ANK1: variants seen among roughly 807,000 people sequenced by gnomAD.
ANK1 encodes the protein ankyrin-1.
ANK1 carries 51 observed loss-of-function variants against 210.4 expected under a neutral mutation model. The ratio of observed to expected loss-of-function variants is 0.24; its 90% CI spans 0.19 to 0.31. The LOEUF (loss-of-function observed/expected upper bound fraction) is 0.31, where lower values mean the gene tolerates loss of function less well. ANK1 is among the 10% of genes least tolerant of loss of function. The pLI is 1.00. For synonymous variants in ANK1, 967 were observed against 1,025.9 expected (o/e 0.94, Z 1.10); for missense variants, 2,051 against 2,504.4 (o/e 0.82, Z 3.86).
chr8:41,692,965 T>C (rs1159808757), intron 30 of ANK1, 89 bp from the exon 31 acceptor site: 23 of 1,530,282 alleles, frequency 1.5e-5, no homozygotes, highest in African/African-American at 6.9e-5. Flanking sequence ...AGCCATACCA[T>C]GGCTACTATT....
chr8:41,779,994 C>T (rs1039429594), intron 1 of ANK1, among the ~76,000 whole-genome samples: 5 of 152,174 alleles, frequency 3.3e-5, no homozygotes, highest in African/African-American at 7.2e-5. Context: ...GGTTCTCCAC[C>T]GACAGCTTTT....
At chr8:41,766,812 T>C (rs978401731) in intron 1 of ANK1, among the ~76,000 whole-genome samples, 9 of 152,246 alleles carry the variant, frequency 5.9e-5, no homozygotes, top group African/African-American at 2.2e-4. Context: ...CCAACAGGTC[T>C]GCCTTCCTCT....
intron 36 of ANK1, 127 bp from the exon 37 acceptor site, chr8:41,684,817 T>G: frequency 8.1e-7 from 1 of 1,228,494 alleles, no homozygotes. Context: ...GGAGGCACCC[T>G]CTTTTATTAG....
upstream of ANK1, chr8:41,797,668 C>A (rs1165937307): frequency 8.0e-6 from 11 of 1,379,454 alleles, no homozygotes; most frequent in Non-Finnish European, 9.5e-6. The surrounding 1 kb of genome is among the most constrained non-coding windows in gnomAD (Gnocchi z 4.0). Flanking sequence ...GCCTTATCGG[C>A]CCCAGAGGCG....
At chr8:41,880,059 C>T (rs1176339001) in intron 1 of ANK1, among the ~76,000 whole-genome samples, 2 of 152,092 alleles carry the variant, frequency 1.3e-5, no homozygotes, top group Admixed American at 6.5e-5. Context: ...AGGTCTAGCC[C>T]GCTGCCCATT....
chr8:41,664,991 C>T (rs769932716), intron 39 of ANK1: 11 of 1,613,994 alleles, frequency 6.8e-6, no homozygotes, highest in African/African-American at 1.3e-5. Flanking sequence ...GCAGCACCAG[C>T]GTGACCAACA....
intron 9 of ANK1, among the ~76,000 whole-genome samples, chr8:41,721,512 C>T (rs1195601636): frequency 6.6e-6 from 1 of 151,950 alleles, no homozygotes; most frequent in African/African-American, 2.4e-5. Context: ...CAAAAATAGG[C>T]CAGGCGTGGT....
intron 1 of ANK1, among the ~76,000 whole-genome samples, chr8:41,761,742 T>A (rs1252374602): frequency 6.6e-6 from 1 of 152,062 alleles, no homozygotes; most frequent in African/African-American, 2.4e-5. Flanking sequence ...GGAACTCTCA[T>A]CCTCCTCCAC....
chr8:41,850,094 C>T (rs1457596401), intron 1 of ANK1, among the ~76,000 whole-genome samples: 5 of 152,160 alleles, frequency 3.3e-5, no homozygotes, highest in Non-Finnish European at 7.3e-5. Context: ...AGGCTCAGCA[C>T]GCTTCGTGAA....
intron 1 of ANK1, among the ~76,000 whole-genome samples, chr8:41,884,216 C>A (rs570351810): frequency 2.0e-5 from 3 of 152,076 alleles, no homozygotes; most frequent in African/African-American, 7.2e-5. Context: ...GGCATGGTGG[C>A]ATGTGCCTGT....
intron 1 of ANK1, among the ~76,000 whole-genome samples, chr8:41,786,537 T>C (rs554186635): frequency 5.3e-5 from 8 of 152,340 alleles, no homozygotes; most frequent in Non-Finnish European, 1.0e-4. Flanking sequence ...AGTGGCCACG[T>C]TGCAAACTAA....
At chr8:41,761,387 AC>A (rs1161147247) in intron 1 of ANK1, among the ~76,000 whole-genome samples, 1 of 149,118 alleles carries the variant, frequency 6.7e-6, no homozygotes, top group Non-Finnish European at 1.5e-5. Flanking sequence ...ACACACACAC[AC>A]ATGTTCACAC....
intron 1 of ANK1, among the ~76,000 whole-genome samples, chr8:41,830,939 A>C (rs1293183198): frequency 2.0e-5 from 3 of 152,170 alleles, no homozygotes; most frequent in African/African-American, 7.2e-5. Flanking sequence ...TGGTCACCTC[A>C]CCAAATGGAT....
intron 1 of ANK1, among the ~76,000 whole-genome samples, chr8:41,889,223 T>A (rs184057368): frequency 6.6e-6 from 1 of 152,228 alleles, no homozygotes; most frequent in East Asian, 1.9e-4. Flanking sequence ...AACCAATACC[T>A]GGGGGAAGTA....
At chr8:41,727,200 G>A (rs1375056278) in intron 5 of ANK1, 50 bp downstream of exon 5, 10 of 1,455,548 alleles carry the variant, frequency 6.9e-6, no homozygotes, top group Non-Finnish European at 9.7e-6. Context: ...AAGCAAGGTT[G>A]TACACCTGGG....
intron 13 of ANK1, 149 bp from the exon 14 acceptor site, chr8:41,715,998 A>T: frequency 1.1e-6 from 1 of 934,160 alleles, no homozygotes; most frequent in Non-Finnish European, 1.7e-6. Context: ...CAGGATTCGA[A>T]TCAAGTCTCT....
At chr8:41,819,138 C>T (rs1007477658) in intron 1 of ANK1, among the ~76,000 whole-genome samples, 2 of 152,198 alleles carry the variant, frequency 1.3e-5, no homozygotes, top group Admixed American at 6.5e-5. Context: ...TTCTGGGTCC[C>T]CTCTCCACAG....
At chr8:41,674,655 G>A (rs553135276) in intron 37 of ANK1, among the ~76,000 whole-genome samples, 22 of 152,320 alleles carry the variant, frequency 1.4e-4, no homozygotes, top group Admixed American at 1.2e-3. Context: ...CAACGTGCCC[G>A]GAGCCATGCT....
At position 41,757,911 on chromosome 8, in the gene ANK1, G is replaced by A. The variant is rs486223; in HGVS notation, c.129+125C>T. 1 allele frequency: 912,531 copies of A among 915,244 alleles called. 454,943 individuals are homozygous for A. Among genetic ancestry groups the A allele is most frequent in the East Asian group, 1 (41,246 of 41,246 alleles). The allele number at this position is 915,244 out of a possible 1,614,324, so 56.7% of individuals were successfully genotyped here. ...CAAGGTTAGGGCCTTCCACAGGCAG[G>A]AGCCCTGGGGGAGTTTTGAGGCCAC... On this transcript the variant is annotated intron_variant, in intron 2 of 42. Transcript: ENST00000289734.
Sources: gnomAD v4.1 joint callset for allele counts (sites outside exome capture counted in the v4.1 genomes callset) on GRCh38, gnomAD v4.1.1 for gene constraint, Gnocchi (gnomAD v3.1) non-coding constraint, MANE v1.5 for transcripts, NCBI Gene and HGNC (gene_info 2026-07-23, HGNC 2026-07-21) for gene names.